OR4N2: variants seen among roughly 807,000 people sequenced by gnomAD.
The protein encoded by OR4N2 is olfactory receptor 4N2.
For missense variants in OR4N2, 307 were observed against 377.6 expected (o/e 0.81, Z 1.55); for synonymous variants, 141 against 140.4 (o/e 1.00, Z -0.03).
chr14:19,819,829 C>A (rs568871218), intron 1 of OR4N2, among the ~76,000 whole-genome samples: 72 of 152,376 alleles, frequency 4.7e-4, no homozygotes, highest in African/African-American at 1.7e-3. Context: ...ACCTATCTAA[C>A]TTTGTTCTTT....
chr14:19,815,021 A>G (rs1879390360), intron 1 of OR4N2, among the ~76,000 whole-genome samples: 1 of 152,252 alleles, frequency 6.6e-6, no homozygotes, highest in Non-Finnish European at 1.5e-5. Flanking sequence ...TTATGGCTGC[A>G]TAGTATTCCA....
At position 19,828,726 on chromosome 14, in the gene OR4N2, A is replaced by G. The variant is rs150331156; in HGVS notation, c.*354A>G. 8.6e-3 allele frequency: 1,903 copies of G among 221,348 alleles called. 12 individuals carry two copies. The highest frequency in any genetic ancestry group is 0.025 in the Middle Eastern group (14 of 556). The allele number at this position is 221,348 out of a possible 1,614,324, so 13.7% of individuals were successfully genotyped here. A position where few individuals can be genotyped will look rare whatever the true frequency, so the allele number is the denominator to read the frequency against. ...CCTTGAAGAGCTGACGTTTTGGATGATATCTGGATAAACTGAAGAAGGCAA... is the reference window on the plus strand; with the variant it reads ...CCTTGAAGAGCTGACGTTTTGGATGGTATCTGGATAAACTGAAGAAGGCAA... On this transcript the variant is annotated 3_prime_UTR_variant, in exon 2 of 2. Coordinates refer to ENST00000557677, the MANE Select transcript of OR4N2 (RefSeq NM_001004723.3).
chr14:19,805,909 G>T (rs1045680253), intron 1 of OR4N2, among the ~76,000 whole-genome samples: 32 of 152,220 alleles, frequency 2.1e-4, no homozygotes, highest in Middle Eastern at 3.4e-3. Context: ...GAAAAAATTG[G>T]GGGCCTATTT....
chr14:19,815,645 G>GTTTTTTTTTTTTTT (rs869163506), intron 1 of OR4N2, among the ~76,000 whole-genome samples: 1 of 120,696 alleles, frequency 8.3e-6, no homozygotes, highest in Non-Finnish European at 1.9e-5. Flanking sequence ...CTGATGAGAG[G>GTTTTTTTTTTTTTT]TTTTTTTTTG....
chr14:19,829,245 A>G lies in OR4N2; in HGVS notation c.*873A>G, dbSNP rs1299574887. On this transcript the variant is annotated 3_prime_UTR_variant, in exon 2 of 2. Coordinates refer to ENST00000557677, the MANE Select transcript of OR4N2 (RefSeq NM_001004723.3). The stretch of plus-strand genomic sequence containing the variant: ...TTTTACTTTTTTTTTCTAGAGCTTC[A>G]TGATTACTCCTAGCAAATTTTTATG... The G allele has an allele frequency of 1.3e-5, 2 of 152,244 alleles. No homozygotes were observed. Among genetic ancestry groups the G allele is most frequent in the South Asian group, 2.1e-4 (1 of 4,828 alleles). 9.4% of individuals were successfully genotyped at this position (152,244 alleles called of 1,614,324 possible). A position where few individuals can be genotyped will look rare whatever the true frequency, so the allele number is the denominator to read the frequency against.
At chr14:19,812,649 T>C (rs1239289206) in intron 1 of OR4N2, among the ~76,000 whole-genome samples, 1 of 152,212 alleles carries the variant, frequency 6.6e-6, no homozygotes, top group Non-Finnish European at 1.5e-5. Flanking sequence ...TGAGCCACCG[T>C]GCCCAGCCAT....
At position 19,828,721 on chromosome 14, in the gene OR4N2, G is replaced by T; in HGVS notation, c.*349G>T. 1.3e-5 allele frequency: 3 copies of T among 228,484 alleles called. 1 individual carries two copies. The South Asian group carries it at 2.0e-4, about 15-fold the overall frequency. The allele number at this position is 228,484 out of a possible 1,614,324, so 14.2% of individuals were successfully genotyped here. ...AAAGACCTTGAAGAGCTGACGTTTT[G>T]GATGATATCTGGATAAACTGAAGAA... On this transcript the variant is annotated 3_prime_UTR_variant, in exon 2 of 2. Transcript: ENST00000557677.
intron 1 of OR4N2, among the ~76,000 whole-genome samples, chr14:19,804,881 T>C (rs1879125522): frequency 6.6e-6 from 1 of 152,260 alleles, no homozygotes; most frequent in Admixed American, 6.5e-5. Context: ...TACTTCTGTG[T>C]TGGATGTATA....
intron 1 of OR4N2, among the ~76,000 whole-genome samples, chr14:19,825,987 A>T (rs1462581377): frequency 2.0e-5 from 3 of 152,252 alleles, no homozygotes; most frequent in Non-Finnish European, 4.4e-5. Flanking sequence ...CCCCTAAGAC[A>T]TTTTTTGAAT....
At chr14:19,818,713 A>T (rs934940549) in intron 1 of OR4N2, among the ~76,000 whole-genome samples, 1 of 151,936 alleles carries the variant, frequency 6.6e-6, no homozygotes, top group African/African-American at 2.4e-5. Context: ...TGTGAATTTG[A>T]TCCTGTAATT....
At chr14:19,805,227 C>G (rs1160102513) in intron 1 of OR4N2, among the ~76,000 whole-genome samples, 2 of 152,046 alleles carry the variant, frequency 1.3e-5, no homozygotes, top group South Asian at 4.1e-4. Context: ...TGTGTGTTTC[C>G]CAGCAATGAT....
In OR4N2 at chr14:19,828,346, A is replaced by G. The variant is rs766596413; in HGVS notation, c.898A>G (p.Lys300Glu). 2.1e-5 allele frequency: 34 copies of G among 1,613,416 alleles called. No individual in the cohort carries two copies. The highest frequency in any genetic ancestry group is 2.4e-5 in the Non-Finnish European group (28 of 1,179,850). ...RNQEVKASMKKVFNKHIA is the reference protein window; with the variant it reads ...RNQEVKASMKEVFNKHIA ...CCAGGAAGTGAAAGCTTCCATGAAA[A>G]AGGTGTTTAATAAGCACATAGCCTG... Residue 300 changes from lysine (K) to glutamate (E), a missense_variant, in exon 2 of 2, where the codon AAG becomes GAG. By Grantham distance (56) the Lys-to-Glu change is moderately conservative. Transcript: ENST00000557677.
intron 1 of OR4N2, among the ~76,000 whole-genome samples, chr14:19,822,714 T>G (rs1383364366): frequency 5.9e-5 from 9 of 152,254 alleles, no homozygotes; most frequent in Admixed American, 5.9e-4. Flanking sequence ...TTTTAACATC[T>G]AAATATTTTC....
At chr14:19,824,089 A>C (rs1457872076) in intron 1 of OR4N2, among the ~76,000 whole-genome samples, 1 of 152,224 alleles carries the variant, frequency 6.6e-6, no homozygotes, top group East Asian at 1.9e-4. Flanking sequence ...AAGAAGGATT[A>C]GAGATACAGT....
intron 1 of OR4N2, among the ~76,000 whole-genome samples, chr14:19,822,772 C>T (rs1157746396): frequency 6.6e-6 from 1 of 152,244 alleles, no homozygotes; most frequent in Non-Finnish European, 1.5e-5. Context: ...CATATTAATA[C>T]CATCATCACC....
intron 1 of OR4N2, among the ~76,000 whole-genome samples, chr14:19,813,051 G>T (rs563062950): frequency 1.3e-5 from 2 of 152,288 alleles, no homozygotes; most frequent in Admixed American, 1.3e-4. Flanking sequence ...CCATTTTGAG[G>T]ACTATTTTAG....
At chr14:19,815,385 C>T (rs1161482127) in intron 1 of OR4N2, among the ~76,000 whole-genome samples, 2 of 152,250 alleles carry the variant, frequency 1.3e-5, no homozygotes, top group East Asian at 1.9e-4. Context: ...GAGATGGTAT[C>T]TCATTGTGGT....
At chr14:19,812,166 C>T (rs879717086) in intron 1 of OR4N2, among the ~76,000 whole-genome samples, 1 of 152,012 alleles carries the variant, frequency 6.6e-6, no homozygotes, top group Non-Finnish European at 1.5e-5. Context: ...ACAAAGTAAA[C>T]TTAAATGTTA....
rs1281421606 is a variant in OR4N2, at chr14:19,827,424, T to A, written c.-9-16T>A. On this transcript the variant is annotated splice_polypyrimidine_tract_variant and intron_variant, in intron 1 of 1. Transcript: ENST00000557677. ...CATAGTAATAACAATTAATTCTGCT[T>A]CTTAATGTACTGCAGGCCAGGGAAA... 1.3e-6 allele frequency: 2 copies of A among 1,543,700 alleles called. No homozygotes were observed. Among genetic ancestry groups the A allele is most frequent in the South Asian group, 2.5e-5 (2 of 79,046 alleles).
Sources: gnomAD v4.1 joint callset for allele counts (sites outside exome capture counted in the v4.1 genomes callset) on GRCh38, gnomAD v4.1.1 for gene constraint, MANE v1.5 for transcripts, NCBI Gene and HGNC (gene_info 2026-07-23, HGNC 2026-07-21) for gene names.